ACBD3: variants seen among roughly 807,000 people sequenced by gnomAD.
The protein encoded by ACBD3 is Golgi resident protein GCP60.
A neutral mutation model predicts 66.9 loss-of-function variants in ACBD3; 30 were observed. That is an observed-to-expected ratio of 0.45 (90% CI 0.34 to 0.61). The LOEUF is 0.61. Ranked by LOEUF, ACBD3 falls within the 20% of genes least tolerant of loss-of-function variation. The pLI, the probability that ACBD3 is intolerant of heterozygous loss-of-function variation, is 0.02. For synonymous variants in ACBD3, 278 were observed against 259.8 expected (o/e 1.07, Z -0.68); for missense variants, 544 against 664.5 (o/e 0.82, Z 1.99).
chr1:226,157,824 T>C (rs1301350070), intron 5 of ACBD3, among the ~76,000 whole-genome samples: 1 of 152,256 alleles, frequency 6.6e-6, no homozygotes, highest in Non-Finnish European at 1.5e-5. Flanking sequence ...ATTAAAGGCA[T>C]GAGCCACTAT....
At chr1:226,150,055 A>AT (rs78400240) in intron 7 of ACBD3, among the ~76,000 whole-genome samples, 11,029 of 133,544 alleles carry the variant, frequency 0.083, 469 homozygotes, top group Non-Finnish European at 0.094. Flanking sequence ...ATTTTTTTTA[A>AT]TTTTTTTTTT....
At chr1:226,177,715 C>T (rs943619897) in intron 1 of ACBD3, among the ~76,000 whole-genome samples, 5 of 151,550 alleles carry the variant, frequency 3.3e-5, no homozygotes, top group Admixed American at 6.6e-5. Flanking sequence ...TAAGTGCAGA[C>T]GGATTTTTAG....
chr1:226,168,029 T>G (rs988591326), intron 1 of ACBD3, among the ~76,000 whole-genome samples: 1 of 152,192 alleles, frequency 6.6e-6, no homozygotes, highest in African/African-American at 2.4e-5. Context: ...ACAATAGTCC[T>G]TATCTTATCC....
intron 5 of ACBD3, among the ~76,000 whole-genome samples, chr1:226,155,830 A>G (rs914080558): frequency 6.6e-6 from 1 of 152,260 alleles, no homozygotes; most frequent in Non-Finnish European, 1.5e-5. Flanking sequence ...TATTTTCTCA[A>G]TGAAAATTTG....
chr1:226,183,580 C>T (rs1656224602), intron 1 of ACBD3, among the ~76,000 whole-genome samples: 1 of 152,140 alleles, frequency 6.6e-6, no homozygotes, highest in Non-Finnish European at 1.5e-5. Flanking sequence ...ACCATGTGTT[C>T]CACCAGAAAA....
At chr1:226,159,397 G>C in intron 4 of ACBD3, 39 bp from the exon 5 acceptor site, 1 of 1,592,598 alleles carries the variant, frequency 6.3e-7, no homozygotes, top group Non-Finnish European at 8.6e-7. Context: ...TCTGGCTACA[G>C]GAGATTGTTC....
At chr1:226,159,017 A>G (rs1316611075) in intron 5 of ACBD3, among the ~76,000 whole-genome samples, 167 bp downstream of exon 5, 1 of 152,342 alleles carries the variant, frequency 6.6e-6, no homozygotes. Flanking sequence ...TTTCTCTCAC[A>G]ATTGCCTGTG....
intron 2 of ACBD3, among the ~76,000 whole-genome samples, chr1:226,165,146 T>C (rs147255891): frequency 1.3e-5 from 2 of 152,154 alleles, no homozygotes; most frequent in African/African-American, 2.4e-5. Flanking sequence ...ATGATTCCCA[T>C]ATAGCAAAAG....
chr1:226,161,063 CAGAG>C (rs956763557), intron 4 of ACBD3, among the ~76,000 whole-genome samples: 2 of 152,012 alleles, frequency 1.3e-5, no homozygotes, highest in Non-Finnish European at 2.9e-5. Flanking sequence ...AGACAAGAAA[CAGAG>C]AGCGCAACCA....
In ACBD3 at chr1:226,146,821, T is replaced by C. The variant is rs761120264; in HGVS notation, c.1376A>G (p.Glu459Gly). The C allele has an allele frequency of 1.2e-6, 2 of 1,613,926 alleles. No homozygotes were observed. Among genetic ancestry groups the C allele is most frequent in the African/African-American group, 2.7e-5 (2 of 74,932 alleles). The change falls in exon 8 of 8, where the codon GAA becomes GGA. Residue 459 changes from glutamate (E) to glycine (G), a missense_variant and splice_region_variant. This residue lies in a region of ACBD3 where 383 missense variants were observed against 462.4 expected (regional missense o/e 0.83). Coordinates refer to ENST00000366812, the MANE Select transcript of ACBD3 (RefSeq NM_022735.4). The stretch of plus-strand genomic sequence containing the variant: ...GGCTTTCTCTTCACAACCGATGTTT[T>C]CTGTAAGAACAGAGACAAGTCAATG... The part of the protein sequence containing the change: ...ESSDDDEEEE[E>G]NIGCEEKAKK...
chr1:226,146,503 C>T lies in ACBD3; in HGVS notation c.*107G>A, dbSNP rs1054378840. ...AGTTCACAAACCATCAGACCAATAT[C>T]AATAAGGTAAACTGTGACTCTAATG... On this transcript the variant is annotated 3_prime_UTR_variant, in exon 8 of 8. Coordinates refer to ENST00000366812, the MANE Select transcript of ACBD3 (RefSeq NM_022735.4). 28 of 922,572 alleles carry T rather than the reference C, an allele frequency of 3.0e-5. No individual in the cohort carries two copies. Among genetic ancestry groups the T allele is most frequent in the Non-Finnish European group, 4.3e-5 (26 of 611,186 alleles). The allele number at this position is 922,572 out of a possible 1,614,324, so 57.1% of individuals were successfully genotyped here.
intron 1 of ACBD3, among the ~76,000 whole-genome samples, chr1:226,166,893 C>T (rs543059220): frequency 4.6e-5 from 7 of 152,310 alleles, no homozygotes; most frequent in African/African-American, 1.7e-4. Context: ...ACCTCCCAGG[C>T]TTAAGCAATC....
At chr1:226,172,155 C>CAAAAAAAAAAAAAAAA (rs779380166) in intron 1 of ACBD3, among the ~76,000 whole-genome samples, 2 of 43,210 alleles carry the variant, frequency 4.6e-5, no homozygotes, top group Non-Finnish European at 4.2e-5. Context: ...AACTCCATCT[C>CAAAAAAAAAAAAAAAA]AAAAAAAAAA....
At chr1:226,159,090 T>G (rs1450636639) in intron 5 of ACBD3, 94 bp downstream of exon 5, 1 of 1,430,304 alleles carries the variant, frequency 7.0e-7, no homozygotes, top group Non-Finnish European at 9.6e-7. Context: ...GGCTAACTAA[T>G]GCAAAATTCA....
chr1:226,152,589 A>G lies in ACBD3; in HGVS notation c.1121T>C (p.Met374Thr), dbSNP rs1166200989. 4.3e-6 allele frequency: 7 copies of G among 1,614,038 alleles called. No homozygotes were observed. Among genetic ancestry groups the G allele is most frequent in the Non-Finnish European group, 5.1e-6 (6 of 1,180,042 alleles). The change falls in exon 7 of 8, where the codon ATG (methionine) becomes ACG (threonine). Residue 374 changes from methionine to threonine, a missense_variant. By Grantham distance (81) the Met-to-Thr change is moderately conservative (BLOSUM62 -1). Around this residue, in one of 3 missense-constraint regions of ACBD3, gnomAD observed 383 missense variants for 462.4 expected, o/e 0.83. Transcript: ENST00000366812. ...GTCTTTGATCTGAGGTCGTGTCCAC[A>G]TGGATGGAGCTGCTATTACTGGAAG... is the stretch of plus-strand genomic sequence containing the variant. ...ESLPVIAAPSMWTRPQIKDFK... is the reference protein window; with the variant it reads ...ESLPVIAAPSTWTRPQIKDFK...
intron 1 of ACBD3, among the ~76,000 whole-genome samples, chr1:226,171,424 C>T (rs929067512): frequency 2.0e-5 from 3 of 152,138 alleles, no homozygotes; most frequent in Admixed American, 2.0e-4. Context: ...GCTGGGATTA[C>T]AGGTGTGAGC....
intron 1 of ACBD3, among the ~76,000 whole-genome samples, chr1:226,174,831 T>A (rs1655992620): frequency 6.6e-6 from 1 of 151,276 alleles, no homozygotes; most frequent in South Asian, 2.1e-4. Flanking sequence ...GTGGGCACAG[T>A]GGCTCAGGCC....
Position 226,165,994 on chromosome 1 carries a change from T to C in ACBD3, c.293A>G (p.Asp98Gly), listed in dbSNP as rs962346460. The C allele has an allele frequency of 3.1e-6, 5 of 1,600,992 alleles. No homozygotes were observed. The highest frequency in any genetic ancestry group is 4.2e-6 in the Non-Finnish European group (5 of 1,176,972). The change falls in exon 2 of 8, where the codon GAT becomes GGT. Residue 98 changes from aspartate to glycine, a missense_variant. By Grantham distance (94) the Asp-to-Gly change is moderately conservative. Around this residue, in one of 3 missense-constraint regions of ACBD3, gnomAD observed 137 missense variants for 145.9 expected, o/e 0.94. Coordinates refer to ENST00000366812, the MANE Select transcript of ACBD3 (RefSeq NM_022735.4). ...ATAAGTTGGATGAAATGCTTTGCCA[T>C]CTTTTTCTATAAGAAAAAGAAACAC... ...GLALRFFKEK[D>G]GKAFHPTYEE...
Position 226,145,502 on chromosome 1 carries a change from AG to A in ACBD3, c.*1107del, listed in dbSNP as rs1157043793. On this transcript the variant is annotated 3_prime_UTR_variant, in exon 8 of 8. Transcript: ENST00000366812. ...AATTAATCCATATTTGTTTTCAGTA[AG>A]GAAAAAAAGATGTACCTCTTCCCGT... 1.3e-5 allele frequency: 2 copies of A among 152,590 alleles called. No individual in the cohort carries two copies. The highest frequency in any genetic ancestry group is 2.9e-5 in the Non-Finnish European group (2 of 67,996). The allele number at this position is 152,590 out of a possible 1,614,324, so 9.5% of individuals were successfully genotyped here.
Sources: allele counts gnomAD v4.1 joint callset (sites outside exome capture counted in the v4.1 genomes callset), GRCh38; gene constraint gnomAD v4.1.1; regional missense constraint gnomAD v4.1.1; transcripts MANE v1.5; gene names NCBI Gene and HGNC (gene_info 2026-07-23, HGNC 2026-07-21).